Variants in MOB1B observed in about 807,000 individuals in gnomAD.
The protein encoded by MOB1B is MOB1 Mps One Binder homolog B.
A neutral mutation model predicts 24.4 loss-of-function variants in MOB1B; 19 were observed. That is an observed-to-expected ratio of 0.78 (90% CI 0.54 to 1.14). The LOEUF is 1.14. Among genes scored for constraint, MOB1B ranks in the 50% most tolerant of loss-of-function variants. The pLI, the probability that MOB1B is intolerant of heterozygous loss-of-function variation, is 0.00. For synonymous variants in MOB1B, 76 were observed against 82.1 expected (o/e 0.93, Z 0.40); for missense variants, 243 against 259.6 (o/e 0.94, Z 0.44).
intron 1 of MOB1B, among the ~76,000 whole-genome samples, chr4:70,921,112 G>A (rs1348763786): frequency 1.3e-5 from 2 of 152,002 alleles, no homozygotes; most frequent in Non-Finnish European, 2.9e-5. Flanking sequence ...AAAACTAGAA[G>A]CAAAAACAAA....
chr4:70,972,995 G>A (rs535444206), intron 3 of MOB1B, among the ~76,000 whole-genome samples: 3,316 of 151,760 alleles, frequency 0.022, 126 homozygotes, highest in African/African-American at 0.076. Flanking sequence ...GGATTGTCTT[G>A]ATCTCCTGAC....
At position 70,983,859 on chromosome 4, in the gene MOB1B, A is replaced by T. The variant is rs534415373; in HGVS notation, c.*1802A>T. On this transcript the variant is annotated 3_prime_UTR_variant, in exon 6 of 6. Coordinates refer to ENST00000309395, the MANE Select transcript of MOB1B (RefSeq NM_173468.4). ...TCTTGGACATTTATTGGTAAAGCTT[A>T]TTTATAAACTGCAGTCAGAGCTAGT... 1 of 152,716 alleles carries T rather than the reference A, an allele frequency of 6.5e-6. No individual in the cohort carries two copies. The highest frequency in any genetic ancestry group is 2.1e-4 in the South Asian group (1 of 4,830). The allele number at this position is 152,716 out of a possible 1,614,324, so 9.5% of individuals were successfully genotyped here.
chr4:70,943,446 GTT>G (rs1341547587), intron 1 of MOB1B, among the ~76,000 whole-genome samples: 1 of 152,062 alleles, frequency 6.6e-6, no homozygotes, highest in Non-Finnish European at 1.5e-5. Context: ...AGTTAATCAT[GTT>G]TTCCACTTAC....
At chr4:70,975,356 T>G in intron 4 of MOB1B, 70 bp downstream of exon 4, 1 of 1,577,278 alleles carries the variant, frequency 6.3e-7, no homozygotes, top group Non-Finnish European at 8.6e-7. Flanking sequence ...TTTTCCTCCC[T>G]CTTTCCACTA....
chr4:70,950,913 G>T, intron 1 of MOB1B: 1 of 713,050 alleles, frequency 1.4e-6, no homozygotes, highest in Non-Finnish European at 2.5e-6. Context: ...TTGTAGACGA[G>T]GAAGCTGAGA....
At chr4:70,934,516 C>T (rs201905217) in intron 1 of MOB1B, among the ~76,000 whole-genome samples, 3 of 151,620 alleles carry the variant, frequency 2.0e-5, no homozygotes, top group African/African-American at 7.3e-5. Context: ...TGCAGTGGTG[C>T]GATCTTGGCT....
intron 1 of MOB1B, among the ~76,000 whole-genome samples, chr4:70,945,161 C>A (rs1737526526): frequency 6.6e-6 from 1 of 152,258 alleles, no homozygotes; most frequent in South Asian, 2.1e-4. Flanking sequence ...GATGTGATTG[C>A]ACACTACATA....
rs533915262 is a variant in MOB1B, at chr4:70,987,774, A to C, written c.*5717A>C. ...GTCAGTGCCAAGTAATGGAAGAATA[A>C]GGGCGGCATTTACACTGTGCAAGTA... On this transcript the variant is annotated 3_prime_UTR_variant, in exon 6 of 6. Transcript: ENST00000309395. The C allele has an allele frequency of 6.6e-6, 1 of 152,670 alleles. No homozygotes were observed. Among genetic ancestry groups the C allele is most frequent in the African/African-American group, 2.4e-5 (1 of 41,584 alleles). The allele number at this position is 152,670 out of a possible 1,614,324, so 9.5% of individuals were successfully genotyped here. A position where few individuals can be genotyped will look rare whatever the true frequency, so the allele number is the denominator to read the frequency against.
intron 1 of MOB1B, among the ~76,000 whole-genome samples, chr4:70,913,268 GTA>G (rs1299510371): frequency 6.8e-6 from 1 of 146,548 alleles, no homozygotes; most frequent in Non-Finnish European, 1.5e-5. Flanking sequence ...GGGTATGTAT[GTA>G]TGTATGTATG....
intron 1 of MOB1B, among the ~76,000 whole-genome samples, chr4:70,906,855 C>T (rs961875892): frequency 2.6e-5 from 4 of 152,118 alleles, no homozygotes; most frequent in African/African-American, 4.8e-5. Flanking sequence ...TGCTGTGTGC[C>T]AGGCGTAGAG....
intron 1 of MOB1B, among the ~76,000 whole-genome samples, chr4:70,939,168 A>G (rs760909589): frequency 6.6e-6 from 1 of 152,234 alleles, no homozygotes; most frequent in Non-Finnish European, 1.5e-5. Flanking sequence ...CACAATTGCA[A>G]ATGCTTAACA....
rs1247752768 is a variant in MOB1B at position 70,982,649 on chromosome 4, AT to A, written c.*593del. On this transcript the variant is annotated 3_prime_UTR_variant, in exon 6 of 6. Coordinates refer to ENST00000309395, the MANE Select transcript of MOB1B (RefSeq NM_173468.4). ...AAGGTATGCATGTAGAACATAAAAA[AT>A]ATTTCTTAATTATTTTTTATATTGA... 1.3e-5 allele frequency: 2 copies of A among 152,608 alleles called. No individual in the cohort carries two copies. The highest frequency in any genetic ancestry group is 2.9e-5 in the Non-Finnish European group (2 of 68,014). The allele number at this position is 152,608 out of a possible 1,614,324, so 9.5% of individuals were successfully genotyped here.
At chr4:70,927,126 C>G (rs1390414105) in intron 1 of MOB1B, among the ~76,000 whole-genome samples, 1 of 152,152 alleles carries the variant, frequency 6.6e-6, no homozygotes, top group East Asian at 1.9e-4. Context: ...AGTCCACTGG[C>G]TAATGATGGT....
chr4:70,983,290 T>G lies in MOB1B; in HGVS notation c.*1233T>G, dbSNP rs1205120664. On this transcript the variant is annotated 3_prime_UTR_variant, in exon 6 of 6. Transcript: ENST00000309395. ...CTTCTTTGGTTATTATAGGTCCAGT[T>G]TGAAGCATTCTGACTTCTGGTTTTT... is the stretch of plus-strand genomic sequence containing the variant. 6.6e-6 allele frequency: 1 copy of G among 152,566 alleles called. No individual in the cohort carries two copies. The highest frequency in any genetic ancestry group is 2.4e-5 in the African/African-American group (1 of 41,446). The allele number at this position is 152,566 out of a possible 1,614,324, so 9.5% of individuals were successfully genotyped here. A position where few individuals can be genotyped will look rare whatever the true frequency, so the allele number is the denominator to read the frequency against.
intron 1 of MOB1B, among the ~76,000 whole-genome samples, chr4:70,937,714 A>AG (rs1174414828): frequency 6.6e-6 from 1 of 151,808 alleles, no homozygotes; most frequent in East Asian, 1.9e-4. Context: ...ATTTTTAGTA[A>AG]GGGGTCTTCC....
chr4:70,982,970 G>A lies in MOB1B; in HGVS notation c.*913G>A, dbSNP rs114297897. The A allele has an allele frequency of 8.0e-4, 122 of 152,628 alleles. No individual in the cohort carries two copies. Among genetic ancestry groups the A allele is most frequent in the African/African-American group, 2.6e-3 (110 of 41,562 alleles). 9.5% of individuals were successfully genotyped at this position (152,628 alleles called of 1,614,324 possible). On this transcript the variant is annotated 3_prime_UTR_variant, in exon 6 of 6. Transcript: ENST00000309395. ...GGAATGTATATTTGGCTGGGGGCAT[G>A]GAGATGTTCGTATGTATGAGGAGTT...
chr4:70,961,580 T>A (rs1430977446), intron 2 of MOB1B, among the ~76,000 whole-genome samples: 1 of 152,256 alleles, frequency 6.6e-6, no homozygotes, highest in African/African-American at 2.4e-5. Flanking sequence ...TCTTAAAATT[T>A]CACAGTAGTT....
intron 1 of MOB1B, among the ~76,000 whole-genome samples, chr4:70,913,819 T>C (rs567305577): frequency 5.9e-5 from 9 of 152,324 alleles, no homozygotes; most frequent in African/African-American, 2.2e-4. Context: ...CGTTGATATT[T>C]CTTGTCTAAA....
chr4:70,950,277 A>AAT (rs1286750058), intron 1 of MOB1B, among the ~76,000 whole-genome samples: 6 of 152,010 alleles, frequency 3.9e-5, no homozygotes, highest in African/African-American at 1.4e-4. Context: ...CTCTACTAAA[A>AAT]ATACAAAAAT....
Sources: gnomAD v4.1 joint callset for allele counts (sites outside exome capture counted in the v4.1 genomes callset) on GRCh38, gnomAD v4.1.1 for gene constraint, MANE v1.5 for transcripts, NCBI Gene and HGNC (gene_info 2026-07-23, HGNC 2026-07-21) for gene names.